The following OSBPL10 variants were observed in gnomAD, a reference collection of about 807,000 sequenced individuals.
OSBPL10 encodes the protein oxysterol binding protein like 10.
In OSBPL10, 49 loss-of-function variants were observed where a neutral mutation model predicts 81.7. The observed-to-expected ratio is 0.60, with a 90% CI of 0.48 to 0.76. The LOEUF (loss-of-function observed/expected upper bound fraction) is 0.76, where lower values mean the gene tolerates loss of function less well. Among genes scored for constraint, OSBPL10 ranks in the 30% least tolerant of loss-of-function variants. The pLI is 0.00. For missense variants in OSBPL10, 923 were observed against 987.8 expected (o/e 0.93, Z 0.88); for synonymous variants, 419 against 383.6 (o/e 1.09, Z -1.08).
In OSBPL10 at chr3:31,678,087, CAAA is replaced by C. The variant is rs1174037204; in HGVS notation, c.1726+5544_1726+5546del. On this transcript the variant is annotated intron_variant, in intron 8 of 11. Transcript: ENST00000396556. ...TGGGCGACAGAGCGAGACTCCGTCT[CAAA>C]AAAAAAAAAAAAAAAAAAGACAGAG... is the stretch of plus-strand genomic sequence containing the variant. 2.1e-3 allele frequency among the ~76,000 whole-genome samples: 159 copies of C among 76,644 alleles called. 1 individual carries two copies. The highest frequency in any genetic ancestry group is 8.5e-3 in the African/African-American group (156 of 18,274). 50.3% of individuals were successfully genotyped at this position (76,644 alleles called of 152,430 possible). A position where few individuals can be genotyped will look rare whatever the true frequency, so the allele number is the denominator to read the frequency against.
At chr3:31,852,533 ATTTGAGC>A (rs1700795933) in intron 3 of OSBPL10, among the ~76,000 whole-genome samples, 1 of 152,240 alleles carries the variant, frequency 6.6e-6, no homozygotes, top group South Asian at 2.1e-4. Context: ...TTTTTGTGAC[ATTTGAGC>A]AAGCTACTCC....
intron 4 of OSBPL10, among the ~76,000 whole-genome samples, chr3:31,799,561 T>A (rs1699325928): frequency 6.6e-6 from 1 of 152,030 alleles, no homozygotes; most frequent in South Asian, 2.1e-4. Context: ...AGGGCATAGC[T>A]CATGGAGGTG....
chr3:31,768,083 G>T (rs1698257055), intron 4 of OSBPL10, among the ~76,000 whole-genome samples: 1 of 152,288 alleles, frequency 6.6e-6, no homozygotes, highest in Non-Finnish European at 1.5e-5. Context: ...AAGGGGTGGG[G>T]AATTCCCAGA....
At chr3:31,825,506 G>A (rs1700078478) in intron 4 of OSBPL10, among the ~76,000 whole-genome samples, 1 of 152,080 alleles carries the variant, frequency 6.6e-6, no homozygotes, top group African/African-American at 2.4e-5. Flanking sequence ...ATTTTTTGTT[G>A]AAATGGAGTC....
chr3:32,038,413 C>G (rs542196980), intron 2 of OSBPL10, among the ~76,000 whole-genome samples: 2 of 152,292 alleles, frequency 1.3e-5, no homozygotes, highest in Admixed American at 1.3e-4. Context: ...CTCCGGCTCC[C>G]GGGTTCAAGT....
intron 2 of OSBPL10, among the ~76,000 whole-genome samples, chr3:31,992,700 C>A (rs1382913722): frequency 6.6e-6 from 1 of 152,146 alleles, no homozygotes; most frequent in Non-Finnish European, 1.5e-5. Flanking sequence ...ATGCAAAAAA[C>A]AAACAAACCT....
rs558376115 is a variant in OSBPL10, at chr3:31,915,930, C to T, written c.282-36100G>A. On this transcript the variant is annotated intron_variant, in intron 1 of 11. Transcript: ENST00000396556. The stretch of plus-strand genomic sequence containing the variant: ...CCAATACGGCGAAACCCCGTCTCTA[C>T]TAAAAAATATAAAAAATTAGCCAGG... Among the ~76,000 whole-genome samples the T allele has an allele frequency of 4.6e-5, 7 of 151,778 alleles. No homozygotes were observed. In the South Asian group the frequency reaches 1.5e-3, roughly 32 times the overall value.
chr3:31,878,455 G>GTT (rs35957498), intron 2 of OSBPL10, among the ~76,000 whole-genome samples: 22 of 152,166 alleles, frequency 1.4e-4, no homozygotes, highest in African/African-American at 4.3e-4. Flanking sequence ...ATTCCTGAAA[G>GTT]TTTTTTATCA....
intron 3 of OSBPL10, among the ~76,000 whole-genome samples, chr3:31,842,675 TCTA>T (rs1700528112): frequency 6.6e-6 from 1 of 150,900 alleles, no homozygotes; most frequent in African/African-American, 2.5e-5. Flanking sequence ...CCCCAGAGAC[TCTA>T]CTACCTGCTG....
chr3:31,733,338 C>T lies in OSBPL10; in HGVS notation c.1014G>A (p.Leu338=). ...AGGTTATGTTGGCACTGGCTGATGG[C>T]AAAGAGCCAAGTGTCCCATTTTTCA... The part of the protein sequence containing the change: ...EQLKNGTLGS[L]PSASANITWA... Residue 338 remains leucine, a synonymous_variant, in exon 6 of 12, where the codon TTG becomes TTA. Coordinates refer to ENST00000396556, the MANE Select transcript of OSBPL10 (RefSeq NM_017784.5). 1 of 1,613,570 alleles carries T rather than the reference C, an allele frequency of 6.2e-7. No individual in the cohort carries two copies. The highest frequency in any genetic ancestry group is 1.6e-4 in the Middle Eastern group (1 of 6,062).
intron 2 of OSBPL10, among the ~76,000 whole-genome samples, chr3:31,877,977 T>C (rs1701520545): frequency 2.0e-5 from 3 of 152,186 alleles, no homozygotes; most frequent in South Asian, 2.1e-4. Flanking sequence ...ACTCCTACTA[T>C]GTGCAGGTAA....
At chr3:32,040,550 G>C (rs1055903460) in intron 2 of OSBPL10, among the ~76,000 whole-genome samples, 5 of 151,660 alleles carry the variant, frequency 3.3e-5, no homozygotes, top group African/African-American at 9.7e-5. Flanking sequence ...AAGTCCAGTA[G>C]ATAGGCCAGA....
At chr3:31,998,377 G>A (rs1699111728) in intron 2 of OSBPL10, among the ~76,000 whole-genome samples, 1 of 152,170 alleles carries the variant, frequency 6.6e-6, no homozygotes, top group African/African-American at 2.4e-5. Flanking sequence ...TTCCATGTGA[G>A]TGCTGAGTCT....
chr3:31,867,048 C>A (rs1701197138), intron 3 of OSBPL10, among the ~76,000 whole-genome samples: 1 of 152,076 alleles, frequency 6.6e-6, no homozygotes. Flanking sequence ...TTAGAATTAC[C>A]TAGCAAGGAA....
upstream of OSBPL10, among the ~76,000 whole-genome samples, chr3:31,985,051 C>T (rs1030220108): frequency 6.6e-6 from 1 of 152,132 alleles, no homozygotes; most frequent in Admixed American, 6.5e-5. Flanking sequence ...CCAGCCTGGC[C>T]AACATGGTAC....
chr3:31,994,342 T>A (rs548223897), intron 2 of OSBPL10, among the ~76,000 whole-genome samples: 1 of 152,208 alleles, frequency 6.6e-6, no homozygotes, highest in Non-Finnish European at 1.5e-5. Flanking sequence ...CCAGGCCTCA[T>A]AGAAACTCAT....
intron 1 of OSBPL10, among the ~76,000 whole-genome samples, chr3:32,075,953 C>T (rs1699870794): frequency 6.6e-6 from 1 of 152,178 alleles, no homozygotes; most frequent in South Asian, 2.1e-4. Context: ...ACTTCGTAAT[C>T]TCCCCCACCC....
rs74446127 is a variant in OSBPL10, at chr3:32,044,792, A to G, written n.298+1699T>C. Among the ~76,000 whole-genome samples, 989 of 151,490 alleles carry G rather than the reference A, an allele frequency of 6.5e-3. 4 individuals are homozygous for G. Among genetic ancestry groups the G allele is most frequent in the Non-Finnish European group, 0.011 (717 of 67,874 alleles). ...TTCTGAATCCTAAATAACAGATGCC[A>G]TATACTAAGTATAAATAGGAATAAA... On this transcript the variant is annotated intron_variant and non_coding_transcript_variant, in intron 2 of 3. Coordinates refer to the OSBPL10 transcript ENST00000479173.
At chr3:31,962,107 A>G (rs1235262099) in intron 1 of OSBPL10, among the ~76,000 whole-genome samples, 1 of 151,976 alleles carries the variant, frequency 6.6e-6, no homozygotes, top group Non-Finnish European at 1.5e-5. Context: ...GATGCCCACC[A>G]CCACGCCCAG....
Sources: allele counts gnomAD v4.1 joint callset (sites outside exome capture counted in the v4.1 genomes callset), GRCh38; gene constraint gnomAD v4.1.1; transcripts MANE v1.5; gene names NCBI Gene and HGNC (gene_info 2026-07-23, HGNC 2026-07-21).